Variants in KIAA1549 observed in about 807,000 individuals in gnomAD.
KIAA1549 encodes UPF0606 protein KIAA1549.
A neutral mutation model predicts 156.4 loss-of-function variants in KIAA1549; 70 were observed. The observed-to-expected ratio is 0.45, with a 90% CI of 0.37 to 0.55. The LOEUF is 0.55. Ranked by LOEUF, KIAA1549 falls within the 20% of genes least tolerant of loss-of-function variation. The pLI is 0.00. For missense variants in KIAA1549, 2,428 were observed against 2,540.9 expected (o/e 0.96, Z 0.96); for synonymous variants, 1,103 against 1,066.4 (o/e 1.03, Z -0.67).
intron 1 of KIAA1549, among the ~76,000 whole-genome samples, chr7:138,978,480 AT>A (rs72274968): frequency 0.19 from 28,038 of 151,492 alleles, 2,647 homozygotes; most frequent in Non-Finnish European, 0.2. Context: ...AAACTTGTAA[AT>A]TTTTTTTTTA....
At chr7:138,951,065 T>C (rs1051473313) in intron 1 of KIAA1549, among the ~76,000 whole-genome samples, 1 of 152,016 alleles carries the variant, frequency 6.6e-6, no homozygotes, top group African/African-American at 2.4e-5. Context: ...GTTTTTTTGT[T>C]TTGTTTTGTT....
intron 12 of KIAA1549, among the ~76,000 whole-genome samples, chr7:138,878,998 A>G (rs1811168241): frequency 6.6e-6 from 1 of 152,078 alleles, no homozygotes; most frequent in African/African-American, 2.4e-5. Flanking sequence ...TAACAGTCAT[A>G]CCCTTTAGAA....
chr7:138,868,938 C>A (rs1810836005), intron 14 of KIAA1549, among the ~76,000 whole-genome samples: 1 of 152,206 alleles, frequency 6.6e-6, no homozygotes, highest in Admixed American at 6.5e-5. Context: ...CAGGACCCAC[C>A]TGGCAGGCAA....
intron 1 of KIAA1549, among the ~76,000 whole-genome samples, chr7:138,940,897 T>C (rs916780849): frequency 2.0e-5 from 3 of 152,232 alleles, no homozygotes; most frequent in African/African-American, 7.2e-5. Flanking sequence ...TTGAGTTCTT[T>C]GTAGATTCTG....
chr7:138,834,853 A>T lies in KIAA1549; in HGVS notation c.*3053T>A, dbSNP rs1305749666. On this transcript the variant is annotated 3_prime_UTR_variant, in exon 20 of 20. Coordinates refer to ENST00000422774, the MANE Select transcript of KIAA1549 (RefSeq NM_001164665.2). ...ACATCTGCACACATGATCACATCTG[A>T]TTCTCACAACTACGGTGCCTGGGAG... 1 of 230,954 alleles carries T rather than the reference A, an allele frequency of 4.3e-6. No homozygotes were observed. Among genetic ancestry groups the T allele is most frequent in the Non-Finnish European group, 8.6e-6 (1 of 116,842 alleles). The allele number at this position is 230,954 out of a possible 1,614,324, so 14.3% of individuals were successfully genotyped here.
At chr7:138,856,791 G>A (rs1810406799) in intron 16 of KIAA1549, among the ~76,000 whole-genome samples, 2 of 152,156 alleles carry the variant, frequency 1.3e-5, no homozygotes, top group African/African-American at 4.8e-5. Context: ...CAACCTGACT[G>A]TGCCACAGGA....
At chr7:138,963,249 C>A (rs6954036) in intron 1 of KIAA1549, among the ~76,000 whole-genome samples, 2 of 152,122 alleles carry the variant, frequency 1.3e-5, no homozygotes, top group Non-Finnish European at 2.9e-5. Flanking sequence ...GGCAAGCACA[C>A]TTCCCAGAAC....
intron 1 of KIAA1549, among the ~76,000 whole-genome samples, chr7:138,959,001 G>C (rs1247856349): frequency 3.9e-5 from 6 of 152,070 alleles, no homozygotes; most frequent in Non-Finnish European, 8.8e-5. Flanking sequence ...CCAGATTCAA[G>C]TGATTCTCCT....
chr7:138,935,086 A>AT (rs1812971675), intron 1 of KIAA1549, among the ~76,000 whole-genome samples: 1 of 152,202 alleles, frequency 6.6e-6, no homozygotes, highest in African/African-American at 2.4e-5. Context: ...TGGAACACAG[A>AT]TAACAATTAG....
intron 10 of KIAA1549, among the ~76,000 whole-genome samples, chr7:138,884,739 G>A (rs976939196): frequency 2.6e-5 from 4 of 152,132 alleles, no homozygotes; most frequent in Admixed American, 1.3e-4. Context: ...AGTGACTTTC[G>A]GTCTTTAGAC....
Position 138,909,014 on chromosome 7 carries a change from C to T in KIAA1549, c.3253G>A (p.Gly1085Arg). The change falls in exon 5 of 20, where the codon GGA becomes AGA. Residue 1085 changes from glycine (G) to arginine (R), a missense_variant. Around this residue, in one of 5 missense-constraint regions of KIAA1549, gnomAD observed 762 missense variants for 901.6 expected, o/e 0.85. Coordinates refer to ENST00000422774, the MANE Select transcript of KIAA1549 (RefSeq NM_001164665.2). ...ACCTGCACCGTGAGGTTATACGTTC[C>T]CTGGTGGTGTTTTCTCACTTCAAAG... ...ALFEVRKHHQ[G>R]TYNLTVQILN... 1 of 1,614,020 alleles carries T rather than the reference C, an allele frequency of 6.2e-7. No individual in the cohort carries two copies. Among genetic ancestry groups the T allele is most frequent in the Non-Finnish European group, 8.5e-7 (1 of 1,179,900 alleles).
At position 138,917,103 on chromosome 7, in the gene KIAA1549, G is replaced by A. The variant is rs6962973; in HGVS notation, c.2523C>T (p.Asp841=). 4,307 of 1,611,060 alleles carry A rather than the reference G, an allele frequency of 2.7e-3. 107 individuals are homozygous for A. In the African/African-American group the frequency reaches 0.049, roughly 18 times the overall value. ...AIPTGTVLIT[D]AYLPSGSSFV... ...ACGAGGATCCTGATGGCAGGTACGCGTCAGTGATCAACACCGTACCAGTGG... is the reference window on the plus strand; with the variant it reads ...ACGAGGATCCTGATGGCAGGTACGCATCAGTGATCAACACCGTACCAGTGG... Residue 841 remains aspartate, a synonymous_variant, in exon 2 of 20, where the codon GAC becomes GAT. Coordinates refer to ENST00000422774, the MANE Select transcript of KIAA1549 (RefSeq NM_001164665.2).
chr7:138,901,293 G>A (rs1174042740), intron 8 of KIAA1549, among the ~76,000 whole-genome samples: 1 of 151,280 alleles, frequency 6.6e-6, no homozygotes, highest in East Asian at 1.9e-4. Context: ...GGATTACATG[G>A]CATACATACT....
Position 138,952,454 on chromosome 7 carries a change from C to G in KIAA1549, c.187+28629G>C, listed in dbSNP as rs371592454. On this transcript the variant is annotated intron_variant, in intron 1 of 19. Coordinates refer to ENST00000422774, the MANE Select transcript of KIAA1549 (RefSeq NM_001164665.2). ...AGACAAACAAACATGTTTTCTTGTT[C>G]CTGTTCTTCTCAGCCAGTAAAAATC... 2.0e-5 allele frequency among the ~76,000 whole-genome samples: 3 copies of G among 152,204 alleles called. 1 individual carries two copies. In the South Asian group the frequency reaches 6.2e-4, roughly 32 times the overall value.
rs1048832309 is a variant in KIAA1549, at chr7:138,900,201, T to A, written c.3670-1069A>T. 5.3e-5 allele frequency among the ~76,000 whole-genome samples: 8 copies of A among 152,182 alleles called. No individual in the cohort carries two copies. The East Asian group carries it at 1.5e-3, about 29-fold the overall frequency. On this transcript the variant is annotated intron_variant, in intron 8 of 19. Transcript: ENST00000422774. Reference sequence around the variant, plus strand: ...CGGGAAACTTCTGGCAGATCAGCAATTTCACGATTTCACTGTGAACTCCTT... The same window carrying A: ...CGGGAAACTTCTGGCAGATCAGCAAATTCACGATTTCACTGTGAACTCCTT...
At chr7:138,978,255 G>T (rs57462700) in intron 1 of KIAA1549, among the ~76,000 whole-genome samples, 41,641 of 151,904 alleles carry the variant, frequency 0.27, 6,269 homozygotes, top group African/African-American at 0.4. Flanking sequence ...TGGGTGACTG[G>T]TTTCTGTACC....
intron 1 of KIAA1549, among the ~76,000 whole-genome samples, chr7:138,969,454 G>T (rs1563098144): frequency 6.6e-6 from 1 of 152,192 alleles, no homozygotes; most frequent in Non-Finnish European, 1.5e-5. Context: ...TGTAGCATGT[G>T]TCAGAATTTC....
chr7:138,948,771 C>A (rs921439913), intron 1 of KIAA1549, among the ~76,000 whole-genome samples: 2 of 151,346 alleles, frequency 1.3e-5, no homozygotes, highest in African/African-American at 4.9e-5. Context: ...CGGCTCACTG[C>A]AATCTCTGCC....
chr7:138,963,504 C>T (rs541719451), intron 1 of KIAA1549, among the ~76,000 whole-genome samples: 4 of 152,188 alleles, frequency 2.6e-5, no homozygotes, highest in Non-Finnish European at 4.4e-5. Flanking sequence ...TAAACTACAA[C>T]GAACAAAATA....
Sources: gnomAD v4.1 joint callset for allele counts (sites outside exome capture counted in the v4.1 genomes callset) on GRCh38, gnomAD v4.1.1 for gene constraint, gnomAD v4.1.1 regional missense constraint, MANE v1.5 for transcripts, NCBI Gene and HGNC (gene_info 2026-07-23, HGNC 2026-07-21) for gene names.